Variants in DGLUCY observed in about 807,000 individuals in gnomAD.
DGLUCY encodes the protein D-glutamate cyclase, mitochondrial.
DGLUCY carries 58 observed loss-of-function variants against 58.5 expected under a neutral mutation model. The observed-to-expected ratio is 0.99, with a 90% CI of 0.80 to 1.23. DGLUCY has a LOEUF of 1.23. Among genes scored for constraint, DGLUCY ranks in the 50% most tolerant of loss-of-function variants. The pLI is 0.00. For synonymous variants in DGLUCY, 325 were observed against 314.1 expected (o/e 1.03, Z -0.37); for missense variants, 779 against 784.7 (o/e 0.99, Z 0.09).
chr14:91,215,502 C>T lies in DGLUCY; in HGVS notation c.1662C>T (p.Pro554=), dbSNP rs534317110. Residue 554 remains proline (P), a synonymous_variant, in exon 13 of 14, where the codon CCC becomes CCT. Transcript: ENST00000256324. ...HSQYLRKAVG[P]SRAPGDQAWT... ...AGTACCTGAGGAAAGCAGTCGGACC[C>T]TCCAGGGCACCTGGAGATCAGGCCT... 44 of 1,614,240 alleles carry T rather than the reference C, an allele frequency of 2.7e-5. No homozygotes were observed. The highest frequency in any genetic ancestry group is 3.7e-5 in the Non-Finnish European group (44 of 1,180,038).
At chr14:91,218,061 C>G (rs1886857329) in intron 13 of DGLUCY, among the ~76,000 whole-genome samples, 1 of 152,164 alleles carries the variant, frequency 6.6e-6, no homozygotes, top group Non-Finnish European at 1.5e-5. Flanking sequence ...CTGTGCTTTT[C>G]CCAATTCCGC....
chr14:91,064,851 TG>T (rs1177614992), intron 1 of DGLUCY, among the ~76,000 whole-genome samples: 1 of 152,146 alleles, frequency 6.6e-6, no homozygotes, highest in Non-Finnish European at 1.5e-5. Flanking sequence ...AGAGCAGTTT[TG>T]GCAAGGCAAA....
At chr14:91,154,270 C>G (rs530323576) in intron 1 of DGLUCY, among the ~76,000 whole-genome samples, 1 of 152,158 alleles carries the variant, frequency 6.6e-6, no homozygotes, top group Admixed American at 6.5e-5. Flanking sequence ...ATTGATCAGC[C>G]TTTCACTGAA....
intron 1 of DGLUCY, among the ~76,000 whole-genome samples, chr14:91,079,170 C>T (rs1298630278): frequency 1.3e-5 from 2 of 151,976 alleles, no homozygotes; most frequent in Non-Finnish European, 2.9e-5. Flanking sequence ...TCCCAAAGTG[C>T]AGGGATTACA....
intron 1 of DGLUCY, among the ~76,000 whole-genome samples, chr14:91,088,341 G>A (rs752048490): frequency 1.6e-4 from 24 of 152,018 alleles, no homozygotes; most frequent in Non-Finnish European, 2.6e-4. Context: ...AATGTGATTC[G>A]GAGCTTCCAC....
At chr14:91,146,444 G>A (rs1014553295) in intron 1 of DGLUCY, among the ~76,000 whole-genome samples, 6 of 152,106 alleles carry the variant, frequency 3.9e-5, no homozygotes, top group South Asian at 2.1e-4. Context: ...GTCCTTCCTC[G>A]GGGCATCTAT....
intron 1 of DGLUCY, among the ~76,000 whole-genome samples, chr14:91,096,333 G>C (rs2044394238): frequency 6.6e-6 from 1 of 151,920 alleles, no homozygotes; most frequent in Admixed American, 6.6e-5. Context: ...AGAATCGCTT[G>C]ATTGCTTGAA....
At chr14:91,196,996 T>G (rs186562935) in intron 10 of DGLUCY, among the ~76,000 whole-genome samples, 1 of 152,294 alleles carries the variant, frequency 6.6e-6, no homozygotes, top group East Asian at 1.9e-4. Flanking sequence ...GGATGGAGTC[T>G]TTATCTGTTG....
intron 8 of DGLUCY, among the ~76,000 whole-genome samples, chr14:91,181,641 C>G (rs1309993834): frequency 2.2e-5 from 3 of 134,436 alleles, no homozygotes; most frequent in Admixed American, 1.5e-4. Flanking sequence ...CTTTCTTTCT[C>G]TTTCTTTCTT....
In DGLUCY at chr14:91,134,464, G is replaced by A. The variant is rs1355620381; in HGVS notation, c.-82+20181G>A. On this transcript the variant is annotated intron_variant, in intron 1 of 13. Coordinates refer to ENST00000256324, the MANE Select transcript of DGLUCY (RefSeq NM_001102368.3). ...TCTTTTTTTTTTTTTCTGGGATAGA[G>A]TCTCCATCTGTCACCCAGGCTGGAG... Among the ~76,000 whole-genome samples, 3 of 149,364 alleles carry A rather than the reference G, an allele frequency of 2.0e-5. No homozygotes were observed. In the East Asian group the frequency reaches 5.9e-4, roughly 29 times the overall value.
intron 3 of DGLUCY, among the ~76,000 whole-genome samples, chr14:91,165,615 G>A (rs541484176): frequency 1.3e-4 from 20 of 152,222 alleles, no homozygotes; most frequent in African/African-American, 4.8e-4. Context: ...TGGCCAATAG[G>A]ACATATGAAA....
At chr14:91,086,117 T>G (rs1185924108) in intron 1 of DGLUCY, among the ~76,000 whole-genome samples, 1 of 152,200 alleles carries the variant, frequency 6.6e-6, no homozygotes, top group Non-Finnish European at 1.5e-5. Flanking sequence ...GTGCTCCTTA[T>G]GAGAATCTAA....
intron 1 of DGLUCY, among the ~76,000 whole-genome samples, chr14:91,154,938 G>A (rs2047534310): frequency 6.6e-6 from 1 of 152,268 alleles, no homozygotes; most frequent in African/African-American, 2.4e-5. Context: ...CCTTGTGTCA[G>A]GCTCTGCAGC....
At chr14:91,092,305 G>T (rs928657246) in intron 1 of DGLUCY, among the ~76,000 whole-genome samples, 1 of 152,164 alleles carries the variant, frequency 6.6e-6, no homozygotes, top group Non-Finnish European at 1.5e-5. Context: ...CCCCACCATG[G>T]TGCTTAGAAT....
intron 1 of DGLUCY, chr14:91,126,701 C>CA (rs201261043): frequency 5.2e-5 from 2 of 38,806 alleles, no homozygotes; most frequent in Non-Finnish European, 8.5e-5. Context: ...CCACCACACA[C>CA]AAAAAAATAT....
At chr14:91,074,313 ATAT>A (rs1372046520) in intron 1 of DGLUCY, among the ~76,000 whole-genome samples, 166 of 111,542 alleles carry the variant, frequency 1.5e-3, no homozygotes, top group African/African-American at 5.6e-3. Context: ...AAAAAAAAAA[ATAT>A]ATATATATAT....
rs916558847 is a variant in DGLUCY at position 91,188,672 on chromosome 14, C to CA, written c.935-230dup. ...AAGGTCCTATCTTTTTAAAAAATGC[C>CA]AAAAAAAATTAGCGGGCTGTGGTGG... On this transcript the variant is annotated intron_variant, in intron 8 of 13. Transcript: ENST00000256324. 1.4e-3 allele frequency among the ~76,000 whole-genome samples: 217 copies of CA among 151,430 alleles called. 5 individuals carry two copies. The highest frequency in any genetic ancestry group is 3.9e-4 in the East Asian group (2 of 5,144).
At position 91,149,690 on chromosome 14, in the gene DGLUCY, G is replaced by T. The variant is rs114919062; in HGVS notation, c.-81-7949G>T. ...AACTCTGTACTAAATAAGCAAACAC[G>T]TGTGCTCTAGTTTTACAGGCCAAGC... is the stretch of plus-strand genomic sequence containing the variant. On this transcript the variant is annotated intron_variant, in intron 1 of 13. Transcript: ENST00000256324. Among the ~76,000 whole-genome samples, 349 of 152,342 alleles carry T rather than the reference G, an allele frequency of 2.3e-3. 2 individuals carry two copies. Among genetic ancestry groups the T allele is most frequent in the African/African-American group, 8.1e-3 (338 of 41,584 alleles).
intron 12 of DGLUCY, among the ~76,000 whole-genome samples, chr14:91,205,221 G>A (rs10133766): frequency 0.026 from 3,908 of 152,318 alleles, 97 homozygotes; most frequent in African/African-American, 0.055. Flanking sequence ...AGGCTTTTCT[G>A]AAGAGAGTGA....
Sources: allele counts gnomAD v4.1 joint callset (sites outside exome capture counted in the v4.1 genomes callset), GRCh38; gene constraint gnomAD v4.1.1; transcripts MANE v1.5; gene names NCBI Gene and HGNC (gene_info 2026-07-23, HGNC 2026-07-21).